DCAF8L2: variants seen among roughly 807,000 people sequenced by gnomAD.
DCAF8L2 encodes DDB1 and CUL4 associated factor 8 like 2.
For synonymous variants in DCAF8L2, 200 were observed against 190.9 expected (o/e 1.05, Z -0.39); for missense variants, 430 against 490.7 (o/e 0.88, Z 1.17).
chrX:27,572,018 A>G, the DCAF8L2 span, among the ~76,000 whole-genome samples: 1 of 112,320 alleles, frequency 8.9e-6, no homozygotes, highest in Admixed American at 9.5e-5. Context: ...TCGACCTATA[A>G]TATTGTAAGA....
intron 1 of DCAF8L2, among the ~76,000 whole-genome samples, chrX:27,618,612 G>T (rs987686783): frequency 2.1e-4 from 23 of 111,172 alleles, no homozygotes; most frequent in African/African-American, 7.2e-4. Context: ...AATTACAAAA[G>T]ATGTTCCTTA....
chrX:27,607,668 G>A (rs763997181), intron 1 of DCAF8L2, among the ~76,000 whole-genome samples: 9 of 111,924 alleles, frequency 8.0e-5, no homozygotes, highest in African/African-American at 2.6e-4. Context: ...CTCAGTGGAC[G>A]TTATCTTCTG....
chrX:27,627,056 C>G (rs187491394), intron 1 of DCAF8L2, among the ~76,000 whole-genome samples: 4,656 of 95,640 alleles, frequency 0.049, 123 homozygotes, highest in Non-Finnish European at 0.076. Context: ...AAAAATAGCA[C>G]CAAGAAATGT....
intron 4 of DCAF8L2, among the ~76,000 whole-genome samples, chrX:27,722,239 A>T (rs1217205074): frequency 8.9e-6 from 1 of 111,923 alleles, no homozygotes; most frequent in Admixed American, 9.5e-5. Flanking sequence ...TACCTTGATA[A>T]AATAGAATTC....
At chrX:27,567,583 A>G in the DCAF8L2 span, among the ~76,000 whole-genome samples, 26 of 93,172 alleles carry the variant, frequency 2.8e-4, no homozygotes, top group Middle Eastern at 5.7e-3. Context: ...ATATATATAT[A>G]TATGAAAACA....
the DCAF8L2 span, among the ~76,000 whole-genome samples, chrX:27,524,623 G>C: frequency 9.1e-6 from 1 of 110,212 alleles, no homozygotes; most frequent in African/African-American, 3.3e-5. Context: ...TGTGATGTTA[G>C]GGTGTCAATT....
At chrX:27,557,582 A>G in the DCAF8L2 span, among the ~76,000 whole-genome samples, 1 of 111,552 alleles carries the variant, frequency 9.0e-6, no homozygotes, top group South Asian at 3.8e-4. Flanking sequence ...AGAGGAAGAA[A>G]TTGAATTGTG....
At chrX:27,621,688 A>T (rs1394293707) in intron 1 of DCAF8L2, among the ~76,000 whole-genome samples, 1 of 111,549 alleles carries the variant, frequency 9.0e-6, no homozygotes, top group African/African-American at 3.3e-5. Context: ...GATGTGTGCA[A>T]TAGGAGTTCT....
At chrX:27,486,831 A>G in the DCAF8L2 span, among the ~76,000 whole-genome samples, 1 of 111,548 alleles carries the variant, frequency 9.0e-6, no homozygotes, top group South Asian at 3.7e-4. Context: ...CTATATATCT[A>G]TCCTAAGGTC....
chrX:27,655,647 A>G (rs764238737), intron 2 of DCAF8L2, among the ~76,000 whole-genome samples: 4 of 111,786 alleles, frequency 3.6e-5, no homozygotes, highest in Non-Finnish European at 7.5e-5. Flanking sequence ...ATTGTTCCAC[A>G]TTTCTTGGAG....
At chrX:27,744,794 C>G (rs1922075062) in intron 4 of DCAF8L2, among the ~76,000 whole-genome samples, 1 of 111,323 alleles carries the variant, frequency 9.0e-6, no homozygotes, top group Non-Finnish European at 1.9e-5. Flanking sequence ...TGCACCTCCT[C>G]TTTTCCTGCT....
At chrX:27,533,516 A>G in the DCAF8L2 span, among the ~76,000 whole-genome samples, 2 of 112,068 alleles carry the variant, frequency 1.8e-5, no homozygotes, top group Non-Finnish European at 3.8e-5. Flanking sequence ...CCACCTTATA[A>G]TAAAGAAGCC....
At chrX:27,499,836 T>TC in the DCAF8L2 span, among the ~76,000 whole-genome samples, 4 of 103,129 alleles carry the variant, frequency 3.9e-5, no homozygotes, top group Non-Finnish European at 7.9e-5. Context: ...GATTTGGTGG[T>TC]GGGGGGGGGT....
chrX:27,678,467 G>A (rs927935102), intron 3 of DCAF8L2, among the ~76,000 whole-genome samples: 3 of 111,920 alleles, frequency 2.7e-5, no homozygotes, highest in African/African-American at 6.5e-5. Context: ...TAAACAAAAT[G>A]TGGTATATAT....
chrX:27,727,569 C>G (rs917177997), intron 4 of DCAF8L2, among the ~76,000 whole-genome samples: 1 of 111,487 alleles, frequency 9.0e-6, no homozygotes, highest in Non-Finnish European at 1.9e-5. Context: ...TTGATGCCTA[C>G]AAATTCTTCA....
intron 3 of DCAF8L2, among the ~76,000 whole-genome samples, chrX:27,685,937 C>T (rs949569645): frequency 2.2e-4 from 25 of 111,817 alleles, no homozygotes; most frequent in African/African-American, 7.8e-4. Flanking sequence ...TCTGAATAGA[C>T]AGTTTTCAAA....
At chrX:27,477,577 G>A in the DCAF8L2 span, among the ~76,000 whole-genome samples, 3 of 111,853 alleles carry the variant, frequency 2.7e-5, no homozygotes, top group Non-Finnish European at 3.8e-5. Flanking sequence ...GTGAGCCACT[G>A]CGCCCGGCCT....
the DCAF8L2 span, among the ~76,000 whole-genome samples, chrX:27,571,807 T>C: frequency 9.0e-6 from 1 of 111,269 alleles, no homozygotes; most frequent in South Asian, 3.8e-4. Context: ...TACATAGATA[T>C]GGAGAGAGAC....
intron 1 of DCAF8L2, among the ~76,000 whole-genome samples, chrX:27,607,525 G>C (rs1926964206): frequency 9.0e-6 from 1 of 111,239 alleles, no homozygotes; most frequent in African/African-American, 3.3e-5. Flanking sequence ...TCTTAAACAA[G>C]ATCTATGACT....
Sources: allele counts gnomAD v4.1 joint callset (sites outside exome capture counted in the v4.1 genomes callset), GRCh38; gene constraint gnomAD v4.1.1; transcripts MANE v1.5; gene names NCBI Gene and HGNC (gene_info 2026-07-23, HGNC 2026-07-21).